The following HECW1 variants were observed in gnomAD, a reference collection of about 807,000 sequenced individuals.
HECW1 encodes the protein E3 ubiquitin-protein ligase HECW1.
A neutral mutation model predicts 182.3 loss-of-function variants in HECW1; 61 were observed. That is an observed-to-expected ratio of 0.33 (90% CI 0.27 to 0.41). The LOEUF (loss-of-function observed/expected upper bound fraction) is 0.41, where lower values mean the gene tolerates loss of function less well. Ranked by LOEUF, HECW1 falls within the 10% of genes least tolerant of loss-of-function variation. The pLI, the probability that HECW1 is intolerant of heterozygous loss-of-function variation, is 1.00. For synonymous variants in HECW1, 859 were observed against 832.6 expected, an observed-to-expected ratio of 1.03 and a Z score of -0.55; for missense variants, 1,739 against 2,108.9, an observed-to-expected ratio of 0.82 and a Z score of 3.44.
intron 3 of HECW1, among the ~76,000 whole-genome samples, chr7:43,303,602 T>C (rs1807151050): frequency 6.6e-6 from 1 of 152,204 alleles, no homozygotes; most frequent in South Asian, 2.1e-4. Flanking sequence ...TGGGATTTTA[T>C]TTCTTTTTCA....
intron 3 of HECW1, among the ~76,000 whole-genome samples, chr7:43,304,552 G>T (rs56858697): frequency 0.23 from 34,690 of 151,450 alleles, 4,382 homozygotes; most frequent in East Asian, 0.51. Context: ...GTGCAGTGGC[G>T]CAATCTTAGC....
At chr7:43,145,023 T>A (rs1356966389) in intron 2 of HECW1, among the ~76,000 whole-genome samples, 1 of 152,246 alleles carries the variant, frequency 6.6e-6, no homozygotes, top group Non-Finnish European at 1.5e-5. Flanking sequence ...TCATTTTTTT[T>A]AACATTTGAA....
chr7:43,166,118 C>G (rs1004969611), intron 2 of HECW1, among the ~76,000 whole-genome samples: 1 of 152,178 alleles, frequency 6.6e-6, no homozygotes, highest in Non-Finnish European at 1.5e-5. Flanking sequence ...GAGTTTCACT[C>G]TTTCGCCCAG....
At chr7:43,338,820 C>G (rs1463619015) in intron 5 of HECW1, among the ~76,000 whole-genome samples, 1 of 150,126 alleles carries the variant, frequency 6.7e-6, no homozygotes, top group Non-Finnish European at 1.5e-5. Flanking sequence ...GATCATTTTC[C>G]TCTAAAAAAA....
chr7:43,435,537 C>T (rs2076683191), intron 8 of HECW1, among the ~76,000 whole-genome samples: 1 of 152,166 alleles, frequency 6.6e-6, no homozygotes, highest in African/African-American at 2.4e-5. Context: ...TTCTGTGGTC[C>T]ATCTCCCAGG....
chr7:43,542,089 G>A, intron 26 of HECW1, 91 bp downstream of exon 26: 1 of 1,179,824 alleles, frequency 8.5e-7, no homozygotes, highest in Non-Finnish European at 1.1e-6. Context: ...TCATTTTTAA[G>A]TGTAGACTTC....
Position 43,215,811 on chromosome 7 carries a change from T to C in HECW1, c.-31-28064T>C, listed in dbSNP as rs369856713. On this transcript the variant is annotated intron_variant, in intron 2 of 29. Coordinates refer to ENST00000395891, the MANE Select transcript of HECW1 (RefSeq NM_015052.5). The stretch of plus-strand genomic sequence containing the variant: ...ATACTGTTATATTTTATTAAATTGA[T>C]GTGTCAAATGCTGAAGGAGTTAGGT... 2.0e-5 allele frequency among the ~76,000 whole-genome samples: 3 copies of C among 152,206 alleles called. No homozygotes were observed. The East Asian group carries it at 5.8e-4, about 29-fold the overall frequency.
intron 2 of HECW1, among the ~76,000 whole-genome samples, chr7:43,123,679 T>C (rs1246551075): frequency 6.6e-6 from 1 of 152,108 alleles, no homozygotes; most frequent in Non-Finnish European, 1.5e-5. Context: ...TTGGTGCACA[T>C]AATTAGCAGG....
At chr7:43,167,354 C>G (rs1333042956) in intron 2 of HECW1, among the ~76,000 whole-genome samples, 1 of 152,124 alleles carries the variant, frequency 6.6e-6, no homozygotes, top group Non-Finnish European at 1.5e-5. Context: ...TAGAGTCCAC[C>G]CTAAATCTAG....
chr7:43,425,920 T>C (rs2076350302), intron 8 of HECW1, among the ~76,000 whole-genome samples: 1 of 152,172 alleles, frequency 6.6e-6, no homozygotes, highest in African/African-American at 2.4e-5. Flanking sequence ...AGAGGACATA[T>C]ATTATTTTGT....
rs1031211143 is a variant in HECW1 at position 43,422,579 on chromosome 7, G to A, written c.801+14848G>A. ...GGGGTTTCACTATGTTCATTAGCCAGGCTGGTCTTGAACGCCTGATGTCAG... is the reference window on the plus strand; with the variant it reads ...GGGGTTTCACTATGTTCATTAGCCAAGCTGGTCTTGAACGCCTGATGTCAG... On this transcript the variant is annotated intron_variant, in intron 8 of 29. Transcript: ENST00000395891. 8.5e-5 allele frequency among the ~76,000 whole-genome samples: 13 copies of A among 152,068 alleles called. No individual in the cohort carries two copies. The East Asian group carries it at 2.5e-3, about 29-fold the overall frequency.
chr7:43,498,602 A>G (rs1585095272), intron 19 of HECW1, among the ~76,000 whole-genome samples: 2 of 152,198 alleles, frequency 1.3e-5, no homozygotes, highest in South Asian at 4.2e-4. Context: ...AGAGATGGGG[A>G]TGTTCTGTTC....
intron 2 of HECW1, among the ~76,000 whole-genome samples, chr7:43,210,250 C>G (rs1267187860): frequency 3.3e-5 from 5 of 152,116 alleles, no homozygotes; most frequent in African/African-American, 1.2e-4. Flanking sequence ...TCTGTTGTCA[C>G]TGCCCAAAAC....
chr7:43,336,376 C>T (rs1306372077), intron 5 of HECW1, among the ~76,000 whole-genome samples: 1 of 151,848 alleles, frequency 6.6e-6, no homozygotes, highest in African/African-American at 2.4e-5. Flanking sequence ...ACTATGTTAT[C>T]CAGACTAGTC....
At chr7:43,216,835 A>G (rs1295536418) in intron 2 of HECW1, among the ~76,000 whole-genome samples, 1 of 152,032 alleles carries the variant, frequency 6.6e-6, no homozygotes, top group Non-Finnish European at 1.5e-5. Context: ...TTGTATTTTT[A>G]GTAAAGACGG....
Position 43,319,393 on chromosome 7 carries a change from CA to C in HECW1, c.353-1226del, listed in dbSNP as rs529109893. The stretch of plus-strand genomic sequence containing the variant: ...TGGGCGACAGAGCGAGACTCCGTCT[CA>C]AAAAAAAAAAAAAAAGAGAGAACAT... On this transcript the variant is annotated intron_variant, in intron 4 of 29. Transcript: ENST00000395891. Among the ~76,000 whole-genome samples, 70 of 67,714 alleles carry C rather than the reference CA, an allele frequency of 1.0e-3. 1 individual carries two copies. The highest frequency in any genetic ancestry group is 1.9e-3 in the Admixed American group (10 of 5,362). 44.4% of individuals were successfully genotyped at this position (67,714 alleles called of 152,430 possible).
chr7:43,503,380 G>A (rs1457928618), intron 21 of HECW1, among the ~76,000 whole-genome samples: 1 of 152,196 alleles, frequency 6.6e-6, no homozygotes, highest in Admixed American at 6.5e-5. Flanking sequence ...GATTGTCCCA[G>A]CCTGATAATG....
chr7:43,287,002 A>C (rs1327856868), intron 3 of HECW1, among the ~76,000 whole-genome samples: 1 of 152,076 alleles, frequency 6.6e-6, no homozygotes, highest in Non-Finnish European at 1.5e-5. Context: ...GGCATTGTTT[A>C]ATGATGGTTG....
chr7:43,263,273 A>G (rs929771233), intron 3 of HECW1, among the ~76,000 whole-genome samples: 2 of 152,222 alleles, frequency 1.3e-5, no homozygotes, highest in Admixed American at 1.3e-4. Flanking sequence ...TTAAACACAA[A>G]AGAATTAAAG....
Sources: allele counts gnomAD v4.1 joint callset (sites outside exome capture counted in the v4.1 genomes callset), GRCh38; gene constraint gnomAD v4.1.1; transcripts MANE v1.5; gene names NCBI Gene and HGNC (gene_info 2026-07-23, HGNC 2026-07-21).